Variants in STAU2 observed in about 807,000 individuals in gnomAD.
STAU2 encodes the protein staufen double-stranded RNA binding protein 2.
A neutral mutation model predicts 65.9 loss-of-function variants in STAU2; 20 were observed. The ratio of observed to expected loss-of-function variants is 0.30; its 90% CI spans 0.21 to 0.44. The LOEUF is 0.44. STAU2 is among the 20% of genes least tolerant of loss of function. The pLI, the probability that STAU2 is intolerant of heterozygous loss-of-function variation, is 1.00. For synonymous variants in STAU2, 232 were observed against 233.9 expected (o/e 0.99, Z 0.07); for missense variants, 558 against 683.9 (o/e 0.82, Z 2.05).
At chr8:73,600,380 G>A (rs896303012) in intron 10 of STAU2, among the ~76,000 whole-genome samples, 42 of 152,100 alleles carry the variant, frequency 2.8e-4, no homozygotes, top group African/African-American at 9.2e-4. Flanking sequence ...CCACTATGTC[G>A]TGACAAATCA....
intron 3 of STAU2, among the ~76,000 whole-genome samples, chr8:73,736,562 C>A (rs1182012076): frequency 6.6e-6 from 1 of 152,152 alleles, no homozygotes; most frequent in African/African-American, 2.4e-5. Context: ...GAAGAGAGGT[C>A]CAGCAGAGGA....
chr8:73,679,527 CAGA>C (rs1818249727), intron 5 of STAU2, among the ~76,000 whole-genome samples: 1 of 151,214 alleles, frequency 6.6e-6, no homozygotes, highest in Admixed American at 6.6e-5. Context: ...ATCCAGATCA[CAGA>C]AGAATTTAAC....
intron 6 of STAU2, among the ~76,000 whole-genome samples, chr8:73,623,326 T>C (rs1813399703): frequency 1.3e-5 from 2 of 152,212 alleles, no homozygotes; most frequent in Non-Finnish European, 2.9e-5. Flanking sequence ...ATCTCCACTT[T>C]CCTGAGTATC....
At chr8:73,536,955 G>A (rs1368225318) in intron 13 of STAU2, among the ~76,000 whole-genome samples, 1 of 152,150 alleles carries the variant, frequency 6.6e-6, no homozygotes, top group East Asian at 1.9e-4. Flanking sequence ...GCAATCATCA[G>A]ATGCCAACAA....
chr8:73,654,811 T>G (rs28572250), intron 6 of STAU2, among the ~76,000 whole-genome samples: 1 of 147,352 alleles, frequency 6.8e-6, no homozygotes, highest in Non-Finnish European at 1.5e-5. Flanking sequence ...CTCAGCCTCC[T>G]GTGTAGCTGG....
At chr8:73,652,541 T>C (rs1815977343) in intron 6 of STAU2, 1 of 151,486 alleles carries the variant, frequency 6.6e-6, no homozygotes, top group Non-Finnish European at 1.5e-5. Flanking sequence ...ACCCCATCTC[T>C]ACTAAAAATA....
intron 9 of STAU2, among the ~76,000 whole-genome samples, chr8:73,608,259 A>G (rs769183037): frequency 1.3e-5 from 2 of 152,154 alleles, no homozygotes; most frequent in African/African-American, 4.8e-5. Context: ...GATGTCTGTG[A>G]GTTGGACAAA....
chr8:73,591,916 A>AAAAG (rs1810840895), intron 11 of STAU2, among the ~76,000 whole-genome samples: 1 of 91,452 alleles, frequency 1.1e-5, no homozygotes, highest in East Asian at 2.7e-4. Context: ...AAAAAAAAAC[A>AAAAG]AGAGAGAGAC....
intron 13 of STAU2, among the ~76,000 whole-genome samples, chr8:73,540,690 T>C (rs999024915): frequency 6.6e-6 from 1 of 152,156 alleles, no homozygotes; most frequent in Admixed American, 6.6e-5. Flanking sequence ...CTTTTGCAGA[T>C]ATCAAAGTAA....
At chr8:73,461,230 A>G (rs1027787088) in intron 13 of STAU2, among the ~76,000 whole-genome samples, 3 of 152,192 alleles carry the variant, frequency 2.0e-5, no homozygotes, top group Non-Finnish European at 4.4e-5. Context: ...GGCACACAGG[A>G]GATGTGCAGG....
At chr8:73,533,791 T>C (rs1805994830) in intron 13 of STAU2, among the ~76,000 whole-genome samples, 1 of 152,156 alleles carries the variant, frequency 6.6e-6, no homozygotes, top group Admixed American at 6.5e-5. Context: ...TGTGTGAATT[T>C]TTTTCATGCT....
rs557115153 is a variant in STAU2 at position 73,420,739 on chromosome 8, C to G, written c.*633G>C. 6.4e-6 allele frequency: 1 copy of G among 156,006 alleles called. No individual in the cohort carries two copies. The highest frequency in any genetic ancestry group is 1.4e-5 in the Non-Finnish European group (1 of 70,224). 9.7% of individuals were successfully genotyped at this position (156,006 alleles called of 1,614,324 possible). A position where few individuals can be genotyped will look rare whatever the true frequency, so the allele number is the denominator to read the frequency against. ...TCCTGGAGTATGTTGAAACTACTTG[C>G]TCTTAACATTAGTTCGTATTTTTCA... On this transcript the variant is annotated 3_prime_UTR_variant, in exon 15 of 15. Transcript: ENST00000524300.
chr8:73,491,119 G>A (rs1051518316), intron 13 of STAU2, among the ~76,000 whole-genome samples: 16 of 151,994 alleles, frequency 1.1e-4, no homozygotes, highest in African/African-American at 3.9e-4. Context: ...ACATGTAAAT[G>A]TTGAATGAGG....
chr8:73,637,684 A>G (rs1007430125), intron 6 of STAU2, among the ~76,000 whole-genome samples: 6 of 151,954 alleles, frequency 3.9e-5, no homozygotes, highest in Admixed American at 6.5e-5. Flanking sequence ...GTAAAGCCAG[A>G]CAGAAATCTG....
At chr8:73,551,422 T>C in intron 13 of STAU2, 2 of 987,162 alleles carry the variant, frequency 2.0e-6, no homozygotes, top group Non-Finnish European at 2.4e-6. Flanking sequence ...CATGATCCAG[T>C]AAAACAAATA....
intron 3 of STAU2, among the ~76,000 whole-genome samples, chr8:73,725,288 G>A (rs971838344): frequency 6.6e-6 from 1 of 151,784 alleles, no homozygotes; most frequent in Non-Finnish European, 1.5e-5. Flanking sequence ...TCCTACATAG[G>A]CTTACTATTT....
intron 12 of STAU2, 105 bp downstream of exon 12, chr8:73,582,665 A>G: frequency 9.9e-7 from 1 of 1,012,698 alleles, no homozygotes; most frequent in Non-Finnish European, 1.5e-6. Context: ...CAAAATACTT[A>G]ACACAGCCTC....
intron 13 of STAU2, among the ~76,000 whole-genome samples, chr8:73,468,960 T>C (rs1296197513): frequency 7.4e-6 from 1 of 135,918 alleles, no homozygotes; most frequent in Non-Finnish European, 1.6e-5. Flanking sequence ...ACTGAGTATA[T>C]ACCCAAAGGA....
At chr8:73,496,694 A>G (rs1821440354) in intron 13 of STAU2, among the ~76,000 whole-genome samples, 3 of 143,014 alleles carry the variant, frequency 2.1e-5, no homozygotes, top group Non-Finnish European at 1.5e-5. Context: ...TAACCAACAC[A>G]GTATACCCAA....
Sources: gnomAD v4.1 joint callset for allele counts (sites outside exome capture counted in the v4.1 genomes callset) on GRCh38, gnomAD v4.1.1 for gene constraint, MANE v1.5 for transcripts, NCBI Gene and HGNC (gene_info 2026-07-23, HGNC 2026-07-21) for gene names.